Variants in SH3YL1 observed in about 807,000 individuals in gnomAD.
SH3YL1 encodes the protein SH3 and SYLF domain containing 1.
In SH3YL1, 41 loss-of-function variants were observed where a neutral mutation model predicts 45.8. That is an observed-to-expected ratio of 0.89 (90% CI 0.70 to 1.16). SH3YL1 has a LOEUF of 1.16. Among genes scored for constraint, SH3YL1 ranks in the 50% most tolerant of loss-of-function variants. The probability of loss-of-function intolerance (pLI) is 0.00; values close to 1 mark genes in which losing one functional copy is unlikely to be tolerated. For missense variants in SH3YL1, 389 were observed against 409.6 expected (o/e 0.95, Z 0.43); for synonymous variants, 152 against 151.4 (o/e 1.00, Z -0.03).
intron 1 of SH3YL1, chr2:262,680 C>G (rs1409696813): frequency 7.7e-7 from 1 of 1,303,412 alleles, no homozygotes; most frequent in East Asian, 5.5e-5. Context: ...TCAGCAGAGT[C>G]AGGGTAGCAG....
At chr2:229,005 A>T (rs557897649) in intron 8 of SH3YL1, among the ~76,000 whole-genome samples, 1 of 152,280 alleles carries the variant, frequency 6.6e-6, no homozygotes, top group African/African-American at 2.4e-5. Flanking sequence ...TTGTTCTGAA[A>T]GTCCTCTAAA....
At chr2:223,087 G>T (rs1308355347) in intron 9 of SH3YL1, 2 of 152,182 alleles carry the variant, frequency 1.3e-5, no homozygotes, top group Admixed American at 1.3e-4. Context: ...AGTTGTAACT[G>T]AGTTACCATT....
chr2:242,451 ATT>A (rs1668584600), intron 4 of SH3YL1, among the ~76,000 whole-genome samples: 3 of 152,072 alleles, frequency 2.0e-5, no homozygotes, highest in African/African-American at 7.2e-5. Context: ...GTTCCCATAA[ATT>A]AGAAATAGTT....
intron 4 of SH3YL1, chr2:242,798 C>T: frequency 2.0e-6 from 3 of 1,536,446 alleles, no homozygotes; most frequent in Non-Finnish European, 2.6e-6. Context: ...TCAAAGTTAC[C>T]ATTAGATTGA....
intron 1 of SH3YL1, among the ~76,000 whole-genome samples, chr2:258,025 T>C (rs1456563991): frequency 6.6e-6 from 1 of 152,228 alleles, no homozygotes; most frequent in East Asian, 1.9e-4. Flanking sequence ...TCTGTTTTTG[T>C]ACCATTACCA....
intron 4 of SH3YL1, among the ~76,000 whole-genome samples, chr2:237,422 C>T (rs1668357902): frequency 6.6e-6 from 1 of 151,800 alleles, no homozygotes; most frequent in Admixed American, 6.6e-5. Context: ...GCAGCAATGG[C>T]CCTCAGTTTA....
Position 255,824 on chromosome 2 carries a change from CATGT to C in SH3YL1, c.2-2713_2-2710del, listed in dbSNP as rs1669297346. 5.9e-5 allele frequency: 9 copies of C among 152,170 alleles called. No homozygotes were observed. In the South Asian group the frequency reaches 1.9e-3, roughly 32 times the overall value. 9.4% of individuals were successfully genotyped at this position (152,170 alleles called of 1,614,324 possible). On this transcript the variant is annotated intron_variant, in intron 1 of 9. Coordinates refer to ENST00000356150, the MANE Select transcript of SH3YL1 (RefSeq NM_015677.4). ...TATGCAAAATTAAGTGTGCATGATG[CATGT>C]GTGTAGCTCTTTACTCCTTTTAAAA...
intron 4 of SH3YL1, chr2:242,883 A>G: frequency 6.8e-7 from 1 of 1,463,626 alleles, no homozygotes; most frequent in Non-Finnish European, 9.0e-7. Context: ...TTTATATCAA[A>G]CAACAAAAAA....
At chr2:231,760 T>G (rs941094994) in intron 6 of SH3YL1, among the ~76,000 whole-genome samples, 2 of 152,228 alleles carry the variant, frequency 1.3e-5, no homozygotes, top group African/African-American at 4.8e-5. Context: ...ACCAGAAGTT[T>G]CTAAAAGCAT....
chr2:232,809 A>G, intron 6 of SH3YL1: 1 of 179,772 alleles, frequency 5.6e-6, no homozygotes, highest in East Asian at 1.4e-4. Context: ...ATCATCATAT[A>G]TGGCAAAACA....
chr2:230,215 G>A (rs1667975901), intron 7 of SH3YL1, among the ~76,000 whole-genome samples, 171 bp from the exon 8 acceptor site: 2 of 152,176 alleles, frequency 1.3e-5, no homozygotes, highest in African/African-American at 2.4e-5. Context: ...AATTGAACTG[G>A]ATGACAAGAC....
intron 4 of SH3YL1, chr2:240,773 G>GTCATC (rs1668509427): frequency 6.6e-6 from 1 of 152,294 alleles, no homozygotes; most frequent in Non-Finnish European, 1.5e-5. Flanking sequence ...GACAGGGACA[G>GTCATC]TCAGAACACC....
intron 8 of SH3YL1, among the ~76,000 whole-genome samples, chr2:226,072 A>G (rs1667774005): frequency 6.6e-6 from 1 of 152,182 alleles, no homozygotes; most frequent in African/African-American, 2.4e-5. Context: ...AAGACTAAGT[A>G]TCCAGTAAAT....
chr2:233,055 T>C (rs369230297), intron 6 of SH3YL1, 46 bp downstream of exon 6: 62 of 1,489,738 alleles, frequency 4.2e-5, no homozygotes, highest in Non-Finnish European at 5.1e-5. Context: ...TGAAGTACTA[T>C]TTTCTCATCA....
intron 4 of SH3YL1, among the ~76,000 whole-genome samples, chr2:246,063 T>TGG (rs1668790010): frequency 6.6e-6 from 1 of 151,470 alleles, no homozygotes; most frequent in Non-Finnish European, 1.5e-5. Flanking sequence ...GGTGTGGTGG[T>TGG]GCACGCCTGT....
rs576422111 is a variant in SH3YL1 at position 218,608 on chromosome 2, G to C, written c.*203C>G. 3.8e-6 allele frequency: 2 copies of C among 526,860 alleles called. No homozygotes were observed. Among genetic ancestry groups the C allele is most frequent in the Non-Finnish European group, 6.6e-6 (2 of 302,114 alleles). 32.6% of individuals were successfully genotyped at this position (526,860 alleles called of 1,614,324 possible). On this transcript the variant is annotated 3_prime_UTR_variant, in exon 10 of 10. Coordinates refer to ENST00000356150, the MANE Select transcript of SH3YL1 (RefSeq NM_015677.4). ...TGTATGATATTCTATGACACAGTAA[G>C]TGTGATAAAGTTAGTACAAAGTATT...
chr2:263,228 G>C (rs891152598), intron 1 of SH3YL1: 1 of 154,806 alleles, frequency 6.5e-6, no homozygotes, highest in Admixed American at 6.4e-5. Flanking sequence ...CTTGCGGGGG[G>C]GCAGCTTCGT....
chr2:244,193 A>C (rs186837006), intron 4 of SH3YL1, among the ~76,000 whole-genome samples: 42 of 138,078 alleles, frequency 3.0e-4, no homozygotes, highest in African/African-American at 1.1e-3. Flanking sequence ...GCATGTGTAC[A>C]AGTTTTGTAA....
At chr2:251,246 C>G (rs1669060731) in intron 2 of SH3YL1, among the ~76,000 whole-genome samples, 1 of 152,158 alleles carries the variant, frequency 6.6e-6, no homozygotes, top group African/African-American at 2.4e-5. Flanking sequence ...TAAGTTTCAC[C>G]TACTTCTTAG....
Sources: allele counts gnomAD v4.1 joint callset (sites outside exome capture counted in the v4.1 genomes callset), GRCh38; gene constraint gnomAD v4.1.1; transcripts MANE v1.5; gene names NCBI Gene and HGNC (gene_info 2026-07-23, HGNC 2026-07-21).